Variants in SORT1 observed in about 807,000 individuals in gnomAD.
SORT1 encodes sortilin 1.
A neutral mutation model predicts 101.7 loss-of-function variants in SORT1; 39 were observed. That is an observed-to-expected ratio of 0.38 (90% CI 0.30 to 0.50). SORT1 has a LOEUF of 0.50. Among genes scored for constraint, SORT1 ranks in the 20% least tolerant of loss-of-function variants. The probability of loss-of-function intolerance (pLI) is 0.90; values close to 1 mark genes in which losing one functional copy is unlikely to be tolerated. For synonymous variants in SORT1, 396 were observed against 393.7 expected, an observed-to-expected ratio of 1.01 and a Z score of -0.07; for missense variants, 878 against 1,040.4, an observed-to-expected ratio of 0.84 and a Z score of 2.15.
rs191483332 is a variant in SORT1, at chr1:109,346,174, G to A, written c.833-293C>T. Among the ~76,000 whole-genome samples the A allele has an allele frequency of 9.0e-4, 137 of 151,958 alleles. No homozygotes were observed. In the Middle Eastern group the frequency reaches 0.014, roughly 15 times the overall value. ...AAAATACAAAAAAATTTAGCCAGGC[G>A]TGGTGGTGGGCGCCTGTAGTCCCAG... On this transcript the variant is annotated intron_variant, in intron 7 of 19. Coordinates refer to ENST00000256637, the MANE Select transcript of SORT1 (RefSeq NM_002959.7).
intron 11 of SORT1, among the ~76,000 whole-genome samples, chr1:109,335,821 G>T (rs1158898668): frequency 2.0e-5 from 3 of 152,198 alleles, no homozygotes; most frequent in Non-Finnish European, 4.4e-5. Context: ...AGCCTAGGCA[G>T]AGGGAAAGGA....
Position 109,313,884 on chromosome 1 carries a change from G to GC in SORT1, c.*158dup. ...GCTCAGGGTTCCCCACCCCCACCCTGCATTTCTTTAGTGTAGGTCCTTTTG... is the reference window on the plus strand; with the variant it reads ...GCTCAGGGTTCCCCACCCCCACCCTGCCATTTCTTTAGTGTAGGTCCTTTTG... On this transcript the variant is annotated 3_prime_UTR_variant, in exon 20 of 20. Transcript: ENST00000256637. 1.3e-5 allele frequency: 5 copies of GC among 384,822 alleles called. No homozygotes were observed. The highest frequency in any genetic ancestry group is 4.3e-5 in the South Asian group (1 of 23,140). The allele number at this position is 384,822 out of a possible 1,614,324, so 23.8% of individuals were successfully genotyped here. A position where few individuals can be genotyped will look rare whatever the true frequency, so the allele number is the denominator to read the frequency against.
In SORT1 at chr1:109,314,354, C is replaced by T; in HGVS notation, c.2388G>A (p.Gln796=). 6.2e-7 allele frequency: 1 copy of T among 1,613,982 alleles called. No homozygotes were observed. The highest frequency in any genetic ancestry group is 8.5e-7 in the Non-Finnish European group (1 of 1,179,942). The change falls in exon 19 of 20, where the codon CAG becomes CAA. Residue 796 remains glutamine, a synonymous_variant. Coordinates refer to ENST00000256637, the MANE Select transcript of SORT1 (RefSeq NM_002959.7). The stretch of plus-strand genomic sequence containing the variant: ...CCACACCATTGGCCTCTGCATGCTG[C>T]TGCAGCACAGAGTATCGATGCACCA... ...RFLVHRYSVL[Q]QHAEANGVDG...
At chr1:109,396,187 AG>A (rs1367437413) in intron 1 of SORT1, among the ~76,000 whole-genome samples, 1 of 152,210 alleles carries the variant, frequency 6.6e-6, no homozygotes, top group Non-Finnish European at 1.5e-5. Context: ...TCACAAAAAA[AG>A]AGAAAAAGAA....
At position 109,327,116 on chromosome 1, in the gene SORT1, T is replaced by G; in HGVS notation, c.1519A>C (p.Ile507Leu). 1.2e-6 allele frequency: 2 copies of G among 1,613,802 alleles called. No individual in the cohort carries two copies. Among genetic ancestry groups the G allele is most frequent in the Non-Finnish European group, 1.7e-6 (2 of 1,179,930 alleles). The change falls in exon 13 of 20, where the codon ATC becomes CTC. Residue 507 changes from isoleucine (I) to leucine (L), a missense_variant. By Grantham distance (5) the Ile-to-Leu change is conservative. This residue lies in a region of SORT1 where 684 missense variants were observed against 894.5 expected (regional missense o/e 0.76). Coordinates refer to ENST00000256637, the MANE Select transcript of SORT1 (RefSeq NM_002959.7). ...CAGGAGTAACCCCCATCATCTGAGA[T>G]GTACACATCTGGAACCATCACTGAG... ...AISVMVPDVY[I>L]SDDGGYSWTK...
chr1:109,320,597 G>GCTCA (rs1647560304), intron 15 of SORT1, among the ~76,000 whole-genome samples: 1 of 152,108 alleles, frequency 6.6e-6, no homozygotes, highest in Non-Finnish European at 1.5e-5. Context: ...ATTTGTCAAC[G>GCTCA]CTCAGCTCTC....
chr1:109,313,722 T>G lies in SORT1; in HGVS notation c.*321A>C. ...CACAGAAGTGGGGTTAGTGAAAAGG[T>G]CCCTTCGAATTCCATTTCGTTTCCC... On this transcript the variant is annotated 3_prime_UTR_variant, in exon 20 of 20. Coordinates refer to ENST00000256637, the MANE Select transcript of SORT1 (RefSeq NM_002959.7). 3 of 378,664 alleles carry G rather than the reference T, an allele frequency of 7.9e-6. No individual in the cohort carries two copies. The highest frequency in any genetic ancestry group is 3.2e-5 in the South Asian group (1 of 31,386). 23.5% of individuals were successfully genotyped at this position (378,664 alleles called of 1,614,324 possible).
intron 1 of SORT1, among the ~76,000 whole-genome samples, chr1:109,381,002 G>C (rs1652191596): frequency 6.6e-6 from 1 of 151,848 alleles, no homozygotes; most frequent in African/African-American, 2.4e-5. Flanking sequence ...TAAAAGACTT[G>C]ACAAAATGTA....
rs1658680751 is a variant in SORT1, at chr1:109,310,777, C to T, written c.*3266G>A. ...AAATAATGACTAATGCCAGGCCAGC[C>T]CCGTTACCCTGGGGTGGGTATGGAT... On this transcript the variant is annotated 3_prime_UTR_variant, in exon 20 of 20. Transcript: ENST00000256637. The T allele has an allele frequency of 6.6e-6, 1 of 152,278 alleles. No individual in the cohort carries two copies. Among genetic ancestry groups the T allele is most frequent in the Non-Finnish European group, 1.5e-5 (1 of 68,074 alleles). 9.4% of individuals were successfully genotyped at this position (152,278 alleles called of 1,614,324 possible).
rs756511549 is a variant in SORT1, at chr1:109,314,242, CAAG to C, written c.2481+16_2481+18del. ...TTTTGGGGGGGGGGGTACTACCATT[CAAG>C]AAGAAATAGCCTCACCTCATCTGAG... On this transcript the variant is annotated intron_variant, in intron 19 of 19. Coordinates refer to ENST00000256637, the MANE Select transcript of SORT1 (RefSeq NM_002959.7). The C allele has an allele frequency of 6.3e-7, 1 of 1,598,618 alleles. No individual in the cohort carries two copies. Among genetic ancestry groups the C allele is most frequent in the Non-Finnish European group, 8.6e-7 (1 of 1,169,184 alleles).
intron 11 of SORT1, among the ~76,000 whole-genome samples, chr1:109,334,925 T>C (rs1167520436): frequency 1.3e-5 from 2 of 152,116 alleles, no homozygotes; most frequent in African/African-American, 2.4e-5. Flanking sequence ...ATAATAAATA[T>C]TATATTATGT....
intron 1 of SORT1, among the ~76,000 whole-genome samples, chr1:109,378,556 C>T (rs947521408): frequency 3.3e-5 from 5 of 150,802 alleles, no homozygotes; most frequent in Non-Finnish European, 5.9e-5. Context: ...AACTGAAAGG[C>T]GGAATAATCC....
At chr1:109,395,013 T>C (rs1263210861) in intron 1 of SORT1, among the ~76,000 whole-genome samples, 1 of 152,140 alleles carries the variant, frequency 6.6e-6, no homozygotes, top group Non-Finnish European at 1.5e-5. Context: ...TTCAGGATTT[T>C]TTATGACTTC....
chr1:109,356,512 T>C (rs1203027703), intron 3 of SORT1, among the ~76,000 whole-genome samples: 3 of 152,170 alleles, frequency 2.0e-5, no homozygotes, highest in Non-Finnish European at 4.4e-5. Context: ...TCCCTTATTA[T>C]TCAGGTTAGT....
At chr1:109,362,908 G>A (rs1439403975) in intron 3 of SORT1, among the ~76,000 whole-genome samples, 1 of 152,040 alleles carries the variant, frequency 6.6e-6, no homozygotes, top group African/African-American at 2.4e-5. Flanking sequence ...AAACTGAACT[G>A]AGCATATCAT....
At chr1:109,331,361 T>G (rs889743180) in intron 11 of SORT1, among the ~76,000 whole-genome samples, 4 of 152,136 alleles carry the variant, frequency 2.6e-5, no homozygotes, top group African/African-American at 9.7e-5. Context: ...GAATGAAGGA[T>G]AGAAATCATA....
intron 11 of SORT1, among the ~76,000 whole-genome samples, chr1:109,332,900 A>T (rs778488665): frequency 6.6e-6 from 1 of 152,182 alleles, no homozygotes; most frequent in Non-Finnish European, 1.5e-5. Context: ...GGAAAACTGA[A>T]TATCTATATG....
At position 109,354,421 on chromosome 1, in the gene SORT1, A is replaced by C; in HGVS notation, c.654T>G (p.Thr218=). The C allele has an allele frequency of 6.2e-7, 1 of 1,613,520 alleles. No individual in the cohort carries two copies. The highest frequency in any genetic ancestry group is 1.1e-5 in the South Asian group (1 of 91,074). Residue 218 remains threonine (T), a synonymous_variant, in exon 5 of 20, where the codon ACT becomes ACG. Coordinates refer to ENST00000256637, the MANE Select transcript of SORT1 (RefSeq NM_002959.7). ...AATTCTGAGGGCTATACATCATCTG[A>C]GTGAGAGGATGAAAAGGGAGATCTG... The part of the protein sequence containing the change: ...VQTDLPFHPL[T]QMMYSPQNSD...
intron 17 of SORT1, among the ~76,000 whole-genome samples, chr1:109,315,317 T>C (rs577806588): frequency 1.3e-5 from 2 of 152,200 alleles, no homozygotes; most frequent in Admixed American, 6.5e-5. Flanking sequence ...GGGTGGGAAA[T>C]AGGGAGTGTG....
Sources: gnomAD v4.1 joint callset for allele counts (sites outside exome capture counted in the v4.1 genomes callset) on GRCh38, gnomAD v4.1.1 for gene constraint, gnomAD v4.1.1 regional missense constraint, MANE v1.5 for transcripts, NCBI Gene and HGNC (gene_info 2026-07-23, HGNC 2026-07-21) for gene names.